DLG2: variants seen among roughly 807,000 people sequenced by gnomAD.
The protein encoded by DLG2 is discs large MAGUK scaffold protein 2, also known as disks large homolog 2.
A neutral mutation model predicts 132.5 loss-of-function variants in DLG2; 45 were observed. The observed-to-expected ratio is 0.34, with a 90% CI of 0.27 to 0.44. DLG2 has a LOEUF of 0.44. Ranked by LOEUF, DLG2 falls within the 20% of genes least tolerant of loss-of-function variation. The pLI is 1.00. For missense variants in DLG2, 1,045 were observed against 1,196.9 expected, an observed-to-expected ratio of 0.87 and a Z score of 1.87; for synonymous variants, 424 against 419.6, an observed-to-expected ratio of 1.01 and a Z score of -0.13.
intron 6 of DLG2, among the ~76,000 whole-genome samples, chr11:85,109,989 G>A (rs1594328995): frequency 6.6e-6 from 1 of 152,028 alleles, no homozygotes; most frequent in East Asian, 1.9e-4. Context: ...CAACATATAG[G>A]AGATTCACAT....
intron 15 of DLG2, among the ~76,000 whole-genome samples, chr11:83,887,597 T>G (rs2068312124): frequency 6.6e-6 from 1 of 152,016 alleles, no homozygotes; most frequent in Non-Finnish European, 1.5e-5. Flanking sequence ...TAACTCATTT[T>G]ATGAGGCCAG....
chr11:83,857,490 C>G (rs144037723), intron 16 of DLG2, among the ~76,000 whole-genome samples: 1 of 151,950 alleles, frequency 6.6e-6, no homozygotes, highest in Non-Finnish European at 1.5e-5. Context: ...CTCTGAGAAC[C>G]CTGGTAAGAT....
intron 6 of DLG2, among the ~76,000 whole-genome samples, chr11:84,793,119 T>C (rs2074099814): frequency 6.6e-6 from 1 of 152,166 alleles, no homozygotes; most frequent in African/African-American, 2.4e-5. Context: ...GTTTCCATTA[T>C]CATTTCTTTC....
In DLG2 at chr11:85,386,891, C is replaced by CT. The variant is rs932998754; in HGVS notation, c.41-101527dup. The stretch of plus-strand genomic sequence containing the variant: ...AAAAAAAAGTTAAAGAATATCCTTT[C>CT]TTTTTTTTTTCTTTTTTTTTTAGAT... On this transcript the variant is annotated intron_variant, in intron 3 of 27. Transcript: ENST00000376104. 1.4e-3 allele frequency among the ~76,000 whole-genome samples: 198 copies of CT among 143,640 alleles called. 1 individual carries two copies. The highest frequency in any genetic ancestry group is 0.011 in the Middle Eastern group (3 of 268). 94.2% of individuals were successfully genotyped at this position (143,640 alleles called of 152,430 possible).
chr11:84,355,111 T>C (rs1033845447), intron 7 of DLG2, among the ~76,000 whole-genome samples: 1 of 152,074 alleles, frequency 6.6e-6, no homozygotes, highest in South Asian at 2.1e-4. Context: ...TCATATAAGA[T>C]GATACAAGCA....
At chr11:83,849,919 G>A (rs79342583) in intron 16 of DLG2, among the ~76,000 whole-genome samples, 1,667 of 152,136 alleles carry the variant, frequency 0.011, 13 homozygotes, top group Middle Eastern at 0.024. Context: ...AGCAAACAAG[G>A]TACAAGAGCT....
chr11:85,442,743 A>G (rs572518494), intron 3 of DLG2, among the ~76,000 whole-genome samples: 36 of 152,130 alleles, frequency 2.4e-4, no homozygotes, highest in African/African-American at 8.7e-4. Context: ...ATAGCCAGAC[A>G]TGGTGGCATG....
intron 6 of DLG2, among the ~76,000 whole-genome samples, chr11:84,743,029 T>C (rs2064889681): frequency 6.6e-6 from 1 of 152,208 alleles, no homozygotes. Context: ...TAGTGAGCTC[T>C]TAAATAATTC....
intron 19 of DLG2, among the ~76,000 whole-genome samples, chr11:83,598,771 A>T (rs950127135): frequency 1.3e-5 from 2 of 152,232 alleles, no homozygotes; most frequent in Admixed American, 1.3e-4. Context: ...TCACTGCTTT[A>T]GCAAACAGAG....
At chr11:84,751,001 G>A (rs555600178) in intron 6 of DLG2, among the ~76,000 whole-genome samples, 2 of 152,168 alleles carry the variant, frequency 1.3e-5, no homozygotes, top group Non-Finnish European at 2.9e-5. Flanking sequence ...CCTGTTATTG[G>A]CAATGTATTT....
chr11:84,333,386 G>T (rs1333326701), intron 7 of DLG2, among the ~76,000 whole-genome samples: 2 of 152,146 alleles, frequency 1.3e-5, no homozygotes, highest in African/African-American at 4.8e-5. Context: ...CAACCATTGG[G>T]TTTGGTCCAT....
chr11:84,788,123 A>AAAAAG (rs2073233361), intron 6 of DLG2, among the ~76,000 whole-genome samples: 1 of 149,882 alleles, frequency 6.7e-6, no homozygotes, highest in Non-Finnish European at 1.5e-5. Context: ...AAAAAAAAAA[A>AAAAAG]AAGAAGAAGA....
At chr11:84,600,206 AAGAAAGAAAGAAAG>A in intron 6 of DLG2, among the ~76,000 whole-genome samples, 3 of 137,314 alleles carry the variant, frequency 2.2e-5, no homozygotes, top group Middle Eastern at 7.4e-3. Flanking sequence ...GAAAGAAAGA[AAGAAAGAAAGAAAG>A]AAAGAGAAAG....
At chr11:85,508,619 C>T (rs960982716) in intron 3 of DLG2, among the ~76,000 whole-genome samples, 1 of 151,962 alleles carries the variant, frequency 6.6e-6, no homozygotes, top group African/African-American at 2.4e-5. Context: ...TGATATATCT[C>T]TAGTTTCTAG....
intron 6 of DLG2, among the ~76,000 whole-genome samples, chr11:84,884,183 A>G (rs970396512): frequency 2.6e-5 from 4 of 152,096 alleles, no homozygotes; most frequent in African/African-American, 7.2e-5. Flanking sequence ...GCTGTAGACA[A>G]TTTTTAGAGA....
chr11:85,052,450 A>C lies in DLG2; in HGVS notation c.357+59211T>G, dbSNP rs758259854. Among the ~76,000 whole-genome samples, 13 of 152,230 alleles carry C rather than the reference A, an allele frequency of 8.5e-5. 1 individual carries two copies. The highest frequency in any genetic ancestry group is 8.5e-4 in the Admixed American group (13 of 15,280). On this transcript the variant is annotated intron_variant, in intron 6 of 27. Transcript: ENST00000376104. The stretch of plus-strand genomic sequence containing the variant: ...GAATAGAGGTTTTCATAAAGGGCCA[A>C]ACATTTTGCATTATATACCTTGAAA...
intron 6 of DLG2, among the ~76,000 whole-genome samples, chr11:84,911,340 GT>G (rs1477732650): frequency 6.6e-6 from 1 of 151,594 alleles, no homozygotes; most frequent in South Asian, 2.1e-4. Context: ...AACCTATCAA[GT>G]TTTTTACAAT....
chr11:85,523,347 T>C (rs1160391269), intron 3 of DLG2, among the ~76,000 whole-genome samples: 1 of 152,178 alleles, frequency 6.6e-6, no homozygotes, highest in Admixed American at 6.6e-5. Flanking sequence ...AAGGGATTAA[T>C]AACCAGAATA....
intron 6 of DLG2, chr11:84,762,177 T>C (rs1225551617): frequency 6.6e-6 from 1 of 152,172 alleles, no homozygotes; most frequent in African/African-American, 2.4e-5. Context: ...AGGTAAGAAA[T>C]AAAAATGCAA....
Sources: gnomAD v4.1 joint callset for allele counts (sites outside exome capture counted in the v4.1 genomes callset) on GRCh38, gnomAD v4.1.1 for gene constraint, MANE v1.5 for transcripts, NCBI Gene and HGNC (gene_info 2026-07-23, HGNC 2026-07-21) for gene names.